The following LRP6 variants were observed in gnomAD, a reference collection of about 807,000 sequenced individuals.
LRP6 encodes low-density lipoprotein receptor-related protein 6.
A neutral mutation model predicts 184.1 loss-of-function variants in LRP6; 43 were observed. The observed-to-expected ratio is 0.23, with a 90% CI of 0.18 to 0.30. The LOEUF (loss-of-function observed/expected upper bound fraction) is 0.30. LRP6 is among the 10% of genes least tolerant of loss of function. The pLI is 1.00. For missense variants in LRP6, 1,571 were observed against 2,005.3 expected, an observed-to-expected ratio of 0.78 and a Z score of 4.14; for synonymous variants, 719 against 684.9, an observed-to-expected ratio of 1.05 and a Z score of -0.78.
Position 12,121,367 on chromosome 12 carries a change from G to A in LRP6, c.4601C>T (p.Thr1534Ile). The A allele has an allele frequency of 1.2e-6, 2 of 1,614,144 alleles. No individual in the cohort carries two copies. Among genetic ancestry groups the A allele is most frequent in the Non-Finnish European group, 1.7e-6 (2 of 1,180,034 alleles). ...AGCATAGTCACTGTCACAAACATCT[G>A]TGCTGCAGGGTGTGGTGGGGGGTGC... Reference protein sequence around the residue: ...HFAPPTTPCSTDVCDSDYAPS... With the variant: ...HFAPPTTPCSIDVCDSDYAPS... Residue 1534 changes from threonine (T) to isoleucine (I), a missense_variant, in exon 23 of 23, where the codon ACA becomes ATA. Coordinates refer to ENST00000261349, the MANE Select transcript of LRP6 (RefSeq NM_002336.3).
intron 15 of LRP6, among the ~76,000 whole-genome samples, chr12:12,144,661 GAT>G (rs1025496762): frequency 2.0e-5 from 3 of 152,036 alleles, no homozygotes; most frequent in African/African-American, 7.2e-5. Flanking sequence ...AAAAACAAAA[GAT>G]AGTTTAAAAT....
At chr12:12,158,773 T>C (rs1862662276) in intron 12 of LRP6, 56 bp downstream of exon 12, 1 of 1,560,958 alleles carries the variant, frequency 6.4e-7, no homozygotes. Flanking sequence ...ACTAAAGTAC[T>C]TTGAAAATGC....
At chr12:12,236,054 G>A (rs1372342602) in intron 2 of LRP6, among the ~76,000 whole-genome samples, 2 of 152,034 alleles carry the variant, frequency 1.3e-5, no homozygotes, top group South Asian at 2.1e-4. Context: ...GTGAAACCCC[G>A]TCTCTACTGA....
intron 14 of LRP6, 144 bp from the exon 15 acceptor site, chr12:12,147,700 A>C: frequency 1.4e-6 from 1 of 703,404 alleles, no homozygotes. Context: ...GACCAGGCAC[A>C]GTGGCTCATG....
chr12:12,148,671 C>T (rs1238834994), intron 14 of LRP6, among the ~76,000 whole-genome samples: 1 of 152,158 alleles, frequency 6.6e-6, no homozygotes, highest in Admixed American at 6.5e-5. Flanking sequence ...TCGAGGAAAA[C>T]TTCCTGGAGG....
intron 14 of LRP6, 120 bp from the exon 15 acceptor site, chr12:12,147,676 A>G: frequency 1.1e-6 from 1 of 888,850 alleles, no homozygotes; most frequent in Non-Finnish European, 1.8e-6. Context: ...AAAGTTTTAA[A>G]ATACGTATTT....
Position 12,135,252 on chromosome 12 carries a change from A to T in LRP6, c.3656T>A (p.Leu1219His). ...CCTTGTAGTACCATCCCCCTTTACA[A>T]GACAAATATGTGAACAGCCACCATT... ...QDNGGCSHIC[L>H]VKGDGTTRCS... Residue 1219 changes from leucine to histidine, a missense_variant, in exon 17 of 23, where the codon CTT becomes CAT. Leu to His is a moderately conservative substitution (Grantham distance 99). This residue lies in a region of LRP6 where 763 missense variants were observed against 859.5 expected (regional missense o/e 0.89). Transcript: ENST00000261349. The T allele has an allele frequency of 6.2e-7, 1 of 1,613,952 alleles. No homozygotes were observed. Among genetic ancestry groups the T allele is most frequent in the Non-Finnish European group, 8.5e-7 (1 of 1,179,958 alleles).
intron 1 of LRP6, among the ~76,000 whole-genome samples, chr12:12,257,779 C>CAAAAAAAAAAAAAAAAAAAAAAAAAA (rs1163180718): frequency 5.7e-5 from 2 of 35,322 alleles, no homozygotes; most frequent in African/African-American, 1.1e-4. Flanking sequence ...CCTGTCTCTA[C>CAAAAAAAAAAAAAAAAAAAAAAAAAA]AAAAAAAAAA....
chr12:12,218,739 G>A (rs1864412300), intron 2 of LRP6, among the ~76,000 whole-genome samples: 1 of 151,954 alleles, frequency 6.6e-6, no homozygotes, highest in Non-Finnish European at 1.5e-5. Flanking sequence ...TGAGAAGGGA[G>A]GATCACTTCA....
chr12:12,219,603 T>C (rs1434803005), intron 2 of LRP6, among the ~76,000 whole-genome samples: 5 of 152,172 alleles, frequency 3.3e-5, no homozygotes, highest in South Asian at 2.1e-4. Context: ...AGCAAAGATA[T>C]CCACAAATCC....
rs1050401966 is a variant in LRP6 at position 12,260,290 on chromosome 12, A to G, written c.55+6391T>C. Among the ~76,000 whole-genome samples, 14 of 151,992 alleles carry G rather than the reference A, an allele frequency of 9.2e-5. No individual in the cohort carries two copies. In the East Asian group the frequency reaches 2.7e-3, roughly 29 times the overall value. ...CTACTCGGGAGGCTGAGGCAGGAGAATGGCGTGAACCCGGGGGGCGGAGCT... is the reference window on the plus strand; with the variant it reads ...CTACTCGGGAGGCTGAGGCAGGAGAGTGGCGTGAACCCGGGGGGCGGAGCT... On this transcript the variant is annotated intron_variant, in intron 1 of 22. Coordinates refer to ENST00000261349, the MANE Select transcript of LRP6 (RefSeq NM_002336.3).
intron 3 of LRP6, among the ~76,000 whole-genome samples, chr12:12,188,947 A>T (rs1863545491): frequency 6.6e-6 from 1 of 152,230 alleles, no homozygotes; most frequent in South Asian, 2.1e-4. Flanking sequence ...AACACAAATG[A>T]AAAATAAAGA....
At chr12:12,204,881 C>A (rs1292419331) in intron 2 of LRP6, among the ~76,000 whole-genome samples, 2 of 150,828 alleles carry the variant, frequency 1.3e-5, no homozygotes, top group Non-Finnish European at 3.0e-5. Context: ...GCAGGAGAAT[C>A]GCTTGAACCT....
At chr12:12,262,719 G>A (rs1246112277) in intron 1 of LRP6, among the ~76,000 whole-genome samples, 2 of 152,126 alleles carry the variant, frequency 1.3e-5, no homozygotes, top group African/African-American at 2.4e-5. Context: ...GGTAAGGATG[G>A]CAACCTAAAC....
At chr12:12,186,824 T>C in intron 4 of LRP6, 99 bp downstream of exon 4, 3 of 1,040,678 alleles carry the variant, frequency 2.9e-6, no homozygotes, top group Middle Eastern at 2.0e-4. Flanking sequence ...CCAACTATCT[T>C]TGGATATGCC....
rs1175605102 is a variant in LRP6 at position 12,204,898 on chromosome 12, C to T, written c.450-1498G>A. On this transcript the variant is annotated intron_variant, in intron 2 of 22. Transcript: ENST00000261349. The stretch of plus-strand genomic sequence containing the variant: ...AGGAGAATCGCTTGAACCTGGGAGG[C>T]GGAGGGTGCAGTGAGCCGAGATCAC... Among the ~76,000 whole-genome samples, 4 of 141,962 alleles carry T rather than the reference C, an allele frequency of 2.8e-5. No individual in the cohort carries two copies. In the South Asian group the frequency reaches 6.9e-4, roughly 24 times the overall value. 93.1% of individuals were successfully genotyped at this position (141,962 alleles called of 152,430 possible). A position where few individuals can be genotyped will look rare whatever the true frequency, so the allele number is the denominator to read the frequency against.
At chr12:12,237,330 G>C (rs898756044) in intron 2 of LRP6, among the ~76,000 whole-genome samples, 2 of 152,180 alleles carry the variant, frequency 1.3e-5, no homozygotes, top group African/African-American at 4.8e-5. Context: ...ACAGCTCTAC[G>C]TTAAGGTAGA....
intron 2 of LRP6, among the ~76,000 whole-genome samples, chr12:12,220,287 C>CA (rs924870246): frequency 0.03 from 3,761 of 126,336 alleles, 93 homozygotes; most frequent in African/African-American, 0.077. Context: ...GAACCTGCCT[C>CA]AAAAAAAAAA....
intron 7 of LRP6, among the ~76,000 whole-genome samples, chr12:12,177,846 T>G (rs1863234705): frequency 6.6e-6 from 1 of 151,990 alleles, no homozygotes; most frequent in South Asian, 2.1e-4. Context: ...AAAAATAAGA[T>G]TTATGGGTGA....
Sources: gnomAD v4.1 joint callset for allele counts (sites outside exome capture counted in the v4.1 genomes callset) on GRCh38, gnomAD v4.1.1 for gene constraint, gnomAD v4.1.1 regional missense constraint, MANE v1.5 for transcripts, NCBI Gene and HGNC (gene_info 2026-07-23, HGNC 2026-07-21) for gene names.